The following SPAG16 variants were observed in gnomAD, a reference collection of about 807,000 sequenced individuals.
SPAG16 encodes sperm associated antigen 16.
A neutral mutation model predicts 80.4 loss-of-function variants in SPAG16; 86 were observed. The observed-to-expected ratio is 1.07, with a 90% confidence interval of 0.90 to 1.28. The LOEUF is 1.28. Among genes scored for constraint, SPAG16 ranks in the 50% most tolerant of loss-of-function variants. The pLI is 0.00. For synonymous variants in SPAG16, 294 were observed against 265.9 expected (o/e 1.11, Z -1.03); for missense variants, 870 against 765.3 (o/e 1.14, Z -1.61).
chr2:214,240,150 C>G (rs1689365118), intron 15 of SPAG16: 1 of 152,264 alleles, frequency 6.6e-6, no homozygotes, highest in East Asian at 1.9e-4. Context: ...ATGTCCTTCC[C>G]TTATACCTCA....
At chr2:213,307,955 C>T (rs2063022034) in intron 3 of SPAG16, among the ~76,000 whole-genome samples, 1 of 152,128 alleles carries the variant, frequency 6.6e-6, no homozygotes, top group South Asian at 2.1e-4. Context: ...TGTAAACATT[C>T]TGTGCATTCT....
chr2:213,551,091 T>G (rs953377291), intron 10 of SPAG16, among the ~76,000 whole-genome samples: 16 of 152,174 alleles, frequency 1.1e-4, no homozygotes, highest in African/African-American at 3.6e-4. Context: ...TAATTTTATT[T>G]TTCTTTGCTT....
chr2:214,080,076 A>T (rs150430917), intron 13 of SPAG16, among the ~76,000 whole-genome samples: 15 of 152,312 alleles, frequency 9.8e-5, no homozygotes, highest in African/African-American at 3.1e-4. Flanking sequence ...TAAAAGGGTC[A>T]TGATAAATAT....
rs148030464 is a variant in SPAG16, at chr2:214,002,032, G to A, written c.1401-11919G>A. On this transcript the variant is annotated intron_variant, in intron 12 of 15. Coordinates refer to ENST00000331683, the MANE Select transcript of SPAG16 (RefSeq NM_024532.5). ...TGGCAGACAAGAGAGAATGAGAGCC[G>A]AGCGAAAGGGGTTTCCCCTTATAAA... Among the ~76,000 whole-genome samples, 287 of 152,192 alleles carry A rather than the reference G, an allele frequency of 1.9e-3. 5 individuals carry two copies. In the East Asian group the frequency reaches 0.046, roughly 24 times the overall value.
At chr2:213,402,951 G>A (rs1470066299) in intron 9 of SPAG16, among the ~76,000 whole-genome samples, 1 of 151,924 alleles carries the variant, frequency 6.6e-6, no homozygotes, top group Non-Finnish European at 1.5e-5. Flanking sequence ...CCAGTAATGG[G>A]ATGGCTGGGT....
chr2:213,913,573 A>ATATATGTACATGTACATATACG lies in SPAG16; in HGVS notation c.1215-16367_1215-16366insCGTATATGTACATGTACATATA, dbSNP rs1559581179. On this transcript the variant is annotated intron_variant, in intron 11 of 15. Transcript: ENST00000331683. ...TGTGTGTATCTCTCTGTGTGTGTATATATATGTACATGTACATATATGTAT... is the reference window on the plus strand; with the variant it reads ...TGTGTGTATCTCTCTGTGTGTGTATATATATGTACATGTACATATACGTATATGTACATGTACATATATGTAT... 1.7e-3 allele frequency among the ~76,000 whole-genome samples: 218 copies of ATATATGTACATGTACATATACG among 127,908 alleles called. 9 individuals carry two copies. The highest frequency in any genetic ancestry group is 5.6e-3 in the African/African-American group (182 of 32,688). The allele number at this position is 127,908 out of a possible 152,430, so 83.9% of individuals were successfully genotyped here. A position where few individuals can be genotyped will look rare whatever the true frequency, so the allele number is the denominator to read the frequency against.
chr2:214,210,039 T>C (rs2058249571), intron 15 of SPAG16, among the ~76,000 whole-genome samples: 1 of 152,100 alleles, frequency 6.6e-6, no homozygotes, highest in Non-Finnish European at 1.5e-5. Flanking sequence ...GAAATCAATA[T>C]GCCCTCCTAC....
chr2:213,869,291 A>ATAAATATGTG (rs1449042675), intron 11 of SPAG16, among the ~76,000 whole-genome samples: 1 of 123,276 alleles, frequency 8.1e-6, no homozygotes. Context: ...GTATATATAT[A>ATAAATATGTG]TGTATATATA....
At chr2:213,442,827 A>G (rs549761972) in intron 9 of SPAG16, among the ~76,000 whole-genome samples, 2 of 152,262 alleles carry the variant, frequency 1.3e-5, no homozygotes, top group Non-Finnish European at 2.9e-5. Context: ...TATAACAGAA[A>G]ATCTAGATTA....
chr2:213,406,794 TC>T, intron 9 of SPAG16, among the ~76,000 whole-genome samples: 1 of 152,056 alleles, frequency 6.6e-6, no homozygotes, highest in Non-Finnish European at 1.5e-5. Context: ...TTGGGGTCTC[TC>T]CCGGGATTAC....
chr2:213,413,794 A>G (rs1282519319), intron 9 of SPAG16, among the ~76,000 whole-genome samples: 2 of 152,298 alleles, frequency 1.3e-5, no homozygotes, highest in East Asian at 3.8e-4. Flanking sequence ...CTACATCATC[A>G]TTATGTCTGG....
intron 10 of SPAG16, among the ~76,000 whole-genome samples, chr2:213,660,653 G>C (rs926667386): frequency 6.6e-6 from 1 of 152,116 alleles, no homozygotes; most frequent in Non-Finnish European, 1.5e-5. Context: ...TGGAATCCAG[G>C]GCTCAGGGGA....
chr2:214,228,189 C>T (rs1381662520), intron 15 of SPAG16, among the ~76,000 whole-genome samples: 1 of 151,900 alleles, frequency 6.6e-6, no homozygotes, highest in East Asian at 1.9e-4. Flanking sequence ...GAACTTAGTA[C>T]AATTGCAAAT....
chr2:213,400,161 C>T (rs1430303312), intron 9 of SPAG16, among the ~76,000 whole-genome samples: 2 of 151,858 alleles, frequency 1.3e-5, no homozygotes, highest in African/African-American at 2.4e-5. Flanking sequence ...TTTGTAGTTT[C>T]ATTGTTATGA....
At chr2:213,750,728 T>G (rs1248071043) in intron 10 of SPAG16, among the ~76,000 whole-genome samples, 4 of 152,238 alleles carry the variant, frequency 2.6e-5, no homozygotes. Flanking sequence ...GCCAATTAGA[T>G]GCACTTGAGT....
chr2:213,831,078 C>T (rs1217018468), intron 10 of SPAG16, among the ~76,000 whole-genome samples: 2 of 134,112 alleles, frequency 1.5e-5, no homozygotes, highest in South Asian at 2.4e-4. Flanking sequence ...CTTGCTCTGT[C>T]CCCCAGGTTG....
intron 14 of SPAG16, among the ~76,000 whole-genome samples, chr2:214,109,259 C>T (rs187573803): frequency 3.3e-5 from 5 of 152,200 alleles, no homozygotes; most frequent in Non-Finnish European, 7.4e-5. Flanking sequence ...AGACAGTTGC[C>T]ACGTGAATTA....
At chr2:214,348,847 TC>T (rs1698222875) in intron 15 of SPAG16, among the ~76,000 whole-genome samples, 1 of 152,222 alleles carries the variant, frequency 6.6e-6, no homozygotes, top group South Asian at 2.1e-4. Context: ...GGTATAAGCC[TC>T]TAAGTTTTGG....
chr2:213,692,735 G>A (rs781493409), intron 10 of SPAG16, among the ~76,000 whole-genome samples: 3 of 151,684 alleles, frequency 2.0e-5, no homozygotes, highest in African/African-American at 7.3e-5. Context: ...CCGTGAACCC[G>A]GGAGGCGGAG....
Sources: allele counts gnomAD v4.1 joint callset (sites outside exome capture counted in the v4.1 genomes callset), GRCh38; gene constraint gnomAD v4.1.1; transcripts MANE v1.5; gene names NCBI Gene and HGNC (gene_info 2026-07-23, HGNC 2026-07-21).